ZNF106: variants seen among roughly 807,000 people sequenced by gnomAD.
The protein encoded by ZNF106 is zinc finger protein 106, also known as SH3-domain binding protein 3.
In ZNF106, 67 loss-of-function variants were observed where a neutral mutation model predicts 195.1. The observed-to-expected ratio is 0.34, with a 90% confidence interval of 0.28 to 0.42. The LOEUF is 0.42. ZNF106 is among the 10% of genes least tolerant of loss of function. ZNF106 has a pLI of 1.00. For synonymous variants in ZNF106, 784 were observed against 818.6 expected, an observed-to-expected ratio of 0.96 and a Z score of 0.72; for missense variants, 2,118 against 2,304.5, an observed-to-expected ratio of 0.92 and a Z score of 1.66.
At chr15:42,419,143 C>T (rs77480377) in intron 20 of ZNF106, among the ~76,000 whole-genome samples, 8,108 of 150,740 alleles carry the variant, frequency 0.054, 654 homozygotes, top group African/African-American at 0.17. Context: ...CTGAGGCAGG[C>T]GGATCACCTG....
At chr15:42,454,814 G>A (rs1177157753) in intron 4 of ZNF106, among the ~76,000 whole-genome samples, 1 of 151,966 alleles carries the variant, frequency 6.6e-6, no homozygotes, top group African/African-American at 2.4e-5. Flanking sequence ...TGGGAGGACT[G>A]TTGGAGCCTA....
intron 10 of ZNF106, among the ~76,000 whole-genome samples, chr15:42,440,591 AAT>A (rs2055460565): frequency 6.6e-6 from 1 of 152,192 alleles, no homozygotes; most frequent in Non-Finnish European, 1.5e-5. Flanking sequence ...AGATTGAAAT[AAT>A]ATGTAATACG....
rs2054672346 is a variant in ZNF106 at position 42,421,933 on chromosome 15, G to A, written c.5429C>T (p.Thr1810Ile). 1 of 1,578,294 alleles carries A rather than the reference G, an allele frequency of 6.3e-7. No individual in the cohort carries two copies. Among genetic ancestry groups the A allele is most frequent in the Non-Finnish European group, 8.6e-7 (1 of 1,158,624 alleles). ...GGHKDMIMCM[T>I]IHKSMIYTGC... Reference sequence around the variant, plus strand: ...AACACTCACCATGCTTTTATGGATGGTCATACACATAATCATGTCTTTGTG... The same window carrying A: ...AACACTCACCATGCTTTTATGGATGATCATACACATAATCATGTCTTTGTG... Residue 1810 changes from threonine to isoleucine, a missense_variant, in exon 19 of 22, where the codon ACC becomes ATC. By Grantham distance (89) the Thr-to-Ile change is moderately conservative. Coordinates refer to ENST00000564754, the MANE Select transcript of ZNF106 (RefSeq NM_001366845.3).
rs116110580 is a variant in ZNF106 at position 42,447,870 on chromosome 15, C to A, written c.3135+202G>T. Among the ~76,000 whole-genome samples the A allele has an allele frequency of 8.0e-3, 1,215 of 152,252 alleles. 16 individuals are homozygous for A. Among genetic ancestry groups the A allele is most frequent in the African/African-American group, 0.028 (1,167 of 41,552 alleles). ...GACTTCATATTTTCCTGGTACTGTA[C>A]ATTCATATTAGATTACATTTAATTT... On this transcript the variant is annotated intron_variant, in intron 6 of 21. Transcript: ENST00000564754.
intron 3 of ZNF106, among the ~76,000 whole-genome samples, chr15:42,457,931 A>G (rs1053937926): frequency 1.3e-5 from 2 of 152,184 alleles, no homozygotes; most frequent in African/African-American, 4.8e-5. Flanking sequence ...TTTACTTTAC[A>G]TACTTCATGC....
intron 4 of ZNF106, among the ~76,000 whole-genome samples, chr15:42,453,688 C>T (rs1331254031): frequency 6.6e-6 from 1 of 151,516 alleles, no homozygotes; most frequent in Non-Finnish European, 1.5e-5. Flanking sequence ...CTCTGCCTCT[C>T]GAGTTCAAGC....
rs140661801 is a variant in ZNF106 at position 42,442,150 on chromosome 15, G to A, written c.3686C>T (p.Pro1229Leu). The A allele has an allele frequency of 3.7e-6, 6 of 1,614,186 alleles. No individual in the cohort carries two copies. In the East Asian group the frequency reaches 1.3e-4, roughly 36 times the overall value. Reference protein sequence around the residue: ...SVQIKQEPMSPEQDENVNAVP... With the variant: ...SVQIKQEPMSLEQDENVNAVP... ...AGCATTCACATTCTCATCTTGTTCA[G>A]GAGACATGGGCTCTTGTTTAATCTG... Residue 1229 changes from proline (P) to leucine (L), a missense_variant, in exon 10 of 22, where the codon CCT (proline) becomes CTT (leucine). Coordinates refer to ENST00000564754, the MANE Select transcript of ZNF106 (RefSeq NM_001366845.3).
chr15:42,433,674 G>A (rs2055155606), intron 14 of ZNF106, among the ~76,000 whole-genome samples: 1 of 151,160 alleles, frequency 6.6e-6, no homozygotes, highest in African/African-American at 2.4e-5. Flanking sequence ...GTAGAGACAG[G>A]GTTTCACCAG....
At chr15:42,469,905 C>T (rs1348938699) in intron 2 of ZNF106, among the ~76,000 whole-genome samples, 2 of 151,258 alleles carry the variant, frequency 1.3e-5, no homozygotes, top group African/African-American at 4.9e-5. Context: ...AAAAAAGATC[C>T]ACAGGCACAG....
At chr15:42,470,697 C>T (rs536881894) in intron 2 of ZNF106, among the ~76,000 whole-genome samples, 22 of 152,220 alleles carry the variant, frequency 1.4e-4, no homozygotes, top group African/African-American at 4.1e-4. Context: ...ATCATGGTAT[C>T]ACAAGATAGG....
rs905219332 is a variant in ZNF106, at chr15:42,482,522, G to GTTTTTTTTTT, written c.-33+8448_-33+8457dup. ...TCTTAGGCAGTAGATGAAATCTCCA[G>GTTTTTTTTTT]TTTTTTTTTTTTTTTTTTTTTTTTG... On this transcript the variant is annotated intron_variant, in intron 1 of 21. Transcript: ENST00000564754. Among the ~76,000 whole-genome samples, 52 of 82,544 alleles carry GTTTTTTTTTT rather than the reference G, an allele frequency of 6.3e-4. 6 individuals carry two copies. Among genetic ancestry groups the GTTTTTTTTTT allele is most frequent in the African/African-American group, 1.1e-3 (19 of 17,574 alleles). 54.2% of individuals were successfully genotyped at this position (82,544 alleles called of 152,430 possible). A position where few individuals can be genotyped will look rare whatever the true frequency, so the allele number is the denominator to read the frequency against.
In ZNF106 at chr15:42,450,196, G is replaced by A. The variant is rs1398825332; in HGVS notation, c.2076C>T (p.Asp692=). ...GTGCATCTTCTAGAGAGGTTTTCAA[G>A]TCTAGCAATAAGCCAGGGTGTGGAC... The part of the protein sequence containing the change: ...AASPHPGLLL[D]LKTSLEDAQV... The change falls in exon 5 of 22, where the codon GAC becomes GAT. Residue 692 remains aspartate, a synonymous_variant. Coordinates refer to ENST00000564754, the MANE Select transcript of ZNF106 (RefSeq NM_001366845.3). The A allele has an allele frequency of 1.9e-6, 3 of 1,614,202 alleles. No individual in the cohort carries two copies. In the East Asian group the frequency reaches 6.7e-5, roughly 36 times the overall value.
chr15:42,421,040 A>AG, intron 20 of ZNF106, 21 bp downstream of exon 20: 1 of 1,612,216 alleles, frequency 6.2e-7, no homozygotes. Context: ...GTCCAGTGAC[A>AG]GGAAGAGTTT....
Position 42,448,120 on chromosome 15 carries a change from A to G in ZNF106, c.3087T>C (p.Ala1029=). The G allele has an allele frequency of 3.7e-6, 6 of 1,614,102 alleles. No homozygotes were observed. The highest frequency in any genetic ancestry group is 5.1e-6 in the Non-Finnish European group (6 of 1,179,982). ...TAATACTTTGGCCATCATTTTGTTC[A>G]GCACCAGAGGTACAGCTACTATCTG... ...AATDSSCTSG[A]EQNDGQSIRK... is the part of the protein sequence containing the mutation. The change falls in exon 6 of 22, where the codon GCT becomes GCC. Residue 1029 remains alanine, a synonymous_variant. Transcript: ENST00000564754.
chr15:42,442,363 C>T lies in ZNF106; in HGVS notation c.3473G>A (p.Arg1158Gln). Reference protein sequence around the residue: ...HPDQVPCSLTRERRNSRSQTS... With the variant: ...HPDQVPCSLTQERRNSRSQTS... ...TTGAGATCTACTGTTCCTTCGTTCTCGTGTGAGGCTACAGGGAACCTGGTC... is the reference window on the plus strand; with the variant it reads ...TTGAGATCTACTGTTCCTTCGTTCTTGTGTGAGGCTACAGGGAACCTGGTC... The change falls in exon 10 of 22, where the codon CGA (arginine) becomes CAA (glutamine). Residue 1158 changes from arginine to glutamine, a missense_variant. Transcript: ENST00000564754. 18 of 1,614,090 alleles carry T rather than the reference C, an allele frequency of 1.1e-5. No individual in the cohort carries two copies. Among genetic ancestry groups the T allele is most frequent in the African/African-American group, 2.7e-5 (2 of 75,022 alleles).
intron 4 of ZNF106, among the ~76,000 whole-genome samples, chr15:42,456,170 T>A (rs2056218745): frequency 6.6e-6 from 1 of 152,166 alleles, no homozygotes; most frequent in Admixed American, 6.5e-5. Flanking sequence ...TTCACACCAG[T>A]CAAAAAATAT....
intron 15 of ZNF106, among the ~76,000 whole-genome samples, chr15:42,427,160 T>C (rs775474006): frequency 2.6e-4 from 39 of 152,172 alleles, no homozygotes; most frequent in Non-Finnish European, 4.7e-4. Flanking sequence ...CTCCATTCCC[T>C]TCTCTTCATC....
At chr15:42,421,605 C>T (rs2054660413) in intron 19 of ZNF106, among the ~76,000 whole-genome samples, 1 of 152,220 alleles carries the variant, frequency 6.6e-6, no homozygotes, top group African/African-American at 2.4e-5. Context: ...CTGGCCAAAT[C>T]TCCTGACTCC....
At chr15:42,418,928 C>T (rs1485154913) in intron 20 of ZNF106, among the ~76,000 whole-genome samples, 1 of 151,718 alleles carries the variant, frequency 6.6e-6, no homozygotes, top group Non-Finnish European at 1.5e-5. Context: ...AAGCTAGTGT[C>T]TTATGCTTCC....
Sources: gnomAD v4.1 joint callset for allele counts (sites outside exome capture counted in the v4.1 genomes callset) on GRCh38, gnomAD v4.1.1 for gene constraint, MANE v1.5 for transcripts, NCBI Gene and HGNC (gene_info 2026-07-23, HGNC 2026-07-21) for gene names.